CUBN: variants seen among roughly 807,000 people sequenced by gnomAD.
CUBN encodes cubilin.
In CUBN, 282 loss-of-function variants were observed where a neutral mutation model predicts 405.3. The observed-to-expected ratio is 0.70, with a 90% CI of 0.63 to 0.77. CUBN has a LOEUF of 0.77. Among genes scored for constraint, CUBN ranks in the 30% least tolerant of loss-of-function variants. The pLI, the probability that CUBN is intolerant of heterozygous loss-of-function variation, is 0.00. For synonymous variants in CUBN, 1,684 were observed against 1,617.0 expected, an observed-to-expected ratio of 1.04 and a Z score of -0.99; for missense variants, 4,514 against 4,475.2, an observed-to-expected ratio of 1.01 and a Z score of -0.25.
chr10:16,853,628 C>T (rs1588588867), intron 59 of CUBN, among the ~76,000 whole-genome samples: 1 of 152,328 alleles, frequency 6.6e-6, no homozygotes, highest in East Asian at 1.9e-4. Context: ...AGTTGAAATG[C>T]TTCCAAAGGC....
intron 13 of CUBN, among the ~76,000 whole-genome samples, chr10:17,101,234 G>T (rs988673381): frequency 6.6e-6 from 1 of 152,008 alleles, no homozygotes; most frequent in African/African-American, 2.4e-5. Context: ...ACCATATTAT[G>T]TCCATTATGA....
At chr10:17,008,473 G>A (rs1379769569) in intron 28 of CUBN, among the ~76,000 whole-genome samples, 1 of 126,802 alleles carries the variant, frequency 7.9e-6, no homozygotes, top group Non-Finnish European at 1.8e-5. Flanking sequence ...TGCGCGCTTA[G>A]CCACATTATG....
At position 16,954,478 on chromosome 10, in the gene CUBN, G is replaced by A; in HGVS notation, c.4766C>T (p.Pro1589Leu). ...GAGGCTGTTTCCTGAGGAGACGATG[G>A]GGTTAGCCAGCTGCTCCCTTCCACA... is the stretch of plus-strand genomic sequence containing the variant. The part of the protein sequence containing the change: ...RTCGREQLAN[P>L]IVSSGNSLFL... Residue 1589 changes from proline (P) to leucine (L), a missense_variant, in exon 32 of 67, where the codon CCC becomes CTC. Pro to Leu is a moderately conservative substitution (Grantham distance 98). Coordinates refer to ENST00000377833, the MANE Select transcript of CUBN (RefSeq NM_001081.4). 6.2e-7 allele frequency: 1 copy of A among 1,614,044 alleles called. No individual in the cohort carries two copies.
At chr10:16,994,434 C>T (rs1833675730) in intron 28 of CUBN, among the ~76,000 whole-genome samples, 1 of 152,178 alleles carries the variant, frequency 6.6e-6, no homozygotes. Flanking sequence ...CTATCCTTTA[C>T]ATGTTAATCA....
At chr10:17,128,016 T>G (rs925132501) in intron 2 of CUBN, 92 bp from the exon 3 acceptor site, 6 of 889,408 alleles carry the variant, frequency 6.7e-6, no homozygotes, top group African/African-American at 6.7e-5. Flanking sequence ...TGAGTAGTAT[T>G]CTACTTTAAG....
chr10:16,954,444 T>A lies in CUBN; in HGVS notation c.4800A>T (p.Arg1600Ser). 4 of 1,614,132 alleles carry A rather than the reference T, an allele frequency of 2.5e-6. No homozygotes were observed. The highest frequency in any genetic ancestry group is 3.4e-6 in the Non-Finnish European group (4 of 1,180,032). Residue 1600 changes from arginine (R) to serine (S), a missense_variant, in exon 32 of 67, where the codon AGA becomes AGT. Around this residue, in one of 5 missense-constraint regions of CUBN, gnomAD observed 1,613 missense variants for 1,542.8 expected, o/e 1.05. Coordinates refer to ENST00000377833, the MANE Select transcript of CUBN (RefSeq NM_001081.4). ...TCTGTCTGGAAGGGCCAGACTGAAA[T>A]CTCAAGAAGAGGCTGTTTCCTGAGG... ...IVSSGNSLFLRFQSGPSRQNR... is the reference protein window; with the variant it reads ...IVSSGNSLFLSFQSGPSRQNR...
At chr10:17,104,695 G>A (rs1295667207) in intron 11 of CUBN, 90 bp from the exon 12 acceptor site, 1 of 611,482 alleles carries the variant, frequency 1.6e-6, no homozygotes, top group South Asian at 1.7e-5. Flanking sequence ...TAGTGCCATG[G>A]AGATATATAA....
At chr10:17,062,656 C>T (rs1835527295) in intron 22 of CUBN, among the ~76,000 whole-genome samples, 1 of 152,094 alleles carries the variant, frequency 6.6e-6, no homozygotes, top group Admixed American at 6.6e-5. Context: ...CTTTTTTCTC[C>T]CAAACACATA....
intron 6 of CUBN, among the ~76,000 whole-genome samples, chr10:17,116,860 A>C (rs1302360733): frequency 6.6e-6 from 1 of 152,168 alleles, no homozygotes; most frequent in Non-Finnish European, 1.5e-5. Context: ...AGCACCATCC[A>C]TGCATTCAAG....
intron 45 of CUBN, among the ~76,000 whole-genome samples, chr10:16,916,821 T>C (rs1841898055): frequency 1.3e-5 from 2 of 150,550 alleles, no homozygotes; most frequent in South Asian, 4.2e-4. Flanking sequence ...TTTCTTTCTT[T>C]TTTTTTTTTT....
intron 56 of CUBN, among the ~76,000 whole-genome samples, chr10:16,877,417 T>C (rs927931001): frequency 6.6e-6 from 1 of 152,136 alleles, no homozygotes; most frequent in Admixed American, 6.5e-5. Context: ...CAAGAACACC[T>C]GGCACTATCT....
Position 17,090,912 on chromosome 10 carries a change from T to C in CUBN, c.1766-2567A>G, listed in dbSNP as rs890942558. 2.6e-5 allele frequency among the ~76,000 whole-genome samples: 4 copies of C among 151,976 alleles called. No homozygotes were observed. The East Asian group carries it at 7.7e-4, about 29-fold the overall frequency. ...ATGAATATATAGGGTATTTTTTCTT[T>C]AAAAAACAACAAAAAAGTTTTTTCT... On this transcript the variant is annotated intron_variant, in intron 14 of 66. Coordinates refer to ENST00000377833, the MANE Select transcript of CUBN (RefSeq NM_001081.4).
chr10:17,079,233 C>T (rs1217578901), intron 17 of CUBN, among the ~76,000 whole-genome samples: 1 of 91,560 alleles, frequency 1.1e-5, no homozygotes, highest in Non-Finnish European at 2.1e-5. Context: ...AGAATGCAAA[C>T]TCTTTTTTTT....
chr10:16,828,720 C>G, intron 66 of CUBN, 85 bp downstream of exon 66: 3 of 1,096,838 alleles, frequency 2.7e-6, no homozygotes, highest in Non-Finnish European at 4.1e-6. Context: ...GAGATTCCAT[C>G]TTAAAAAAAA....
At chr10:17,007,740 G>A (rs4748342) in intron 28 of CUBN, among the ~76,000 whole-genome samples, 39,297 of 152,134 alleles carry the variant, frequency 0.26, 5,783 homozygotes, top group East Asian at 0.41. Flanking sequence ...CAGGACCAGC[G>A]TTAGCGGGGC....
chr10:16,952,274 A>G lies in CUBN; in HGVS notation c.4969+2T>C. The G allele has an allele frequency of 6.2e-7, 1 of 1,605,850 alleles. No individual in the cohort carries two copies. The highest frequency in any genetic ancestry group is 8.5e-7 in the Non-Finnish European group (1 of 1,172,734). ...CTTTTCTTTTTCATTTTTGTTACTT[A>G]CATGGAGGTTGCGCTTGAATGATCC... On this transcript the variant is annotated splice_donor_variant, in intron 33 of 66. Coordinates refer to ENST00000377833, the MANE Select transcript of CUBN (RefSeq NM_001081.4). LOFTEE classifies it high-confidence loss of function.
intron 59 of CUBN, among the ~76,000 whole-genome samples, chr10:16,866,105 A>G (rs927628385): frequency 1.3e-5 from 2 of 151,524 alleles, no homozygotes; most frequent in Non-Finnish European, 2.9e-5. Flanking sequence ...ATGCCTGCAG[A>G]CCTCCCATCT....
At chr10:16,959,628 C>CAA (rs537012370) in intron 31 of CUBN, among the ~76,000 whole-genome samples, 2 of 114,546 alleles carry the variant, frequency 1.7e-5, no homozygotes, top group Non-Finnish European at 1.8e-5. Flanking sequence ...AACTCCGTCT[C>CAA]AAAAAAAAAA....
In CUBN at chr10:16,925,243, A is replaced by T. The variant is rs140226156; in HGVS notation, c.6644T>A (p.Leu2215Ter). ...GFKIKYEAKS[L>*]ACGGNVYIHD... ...TAATTCTCAGTGAAAATACTTACCTAAACTCTTTGCCTCATATTTGATTTT... is the reference window on the plus strand; with the variant it reads ...TAATTCTCAGTGAAAATACTTACCTTAACTCTTTGCCTCATATTTGATTTT... The change falls in exon 43 of 67, where the codon TTA becomes TAA. Residue 2215 changes from leucine to a stop codon, truncating the protein, a stop_gained and splice_region_variant. Coordinates refer to ENST00000377833, the MANE Select transcript of CUBN (RefSeq NM_001081.4). LOFTEE classifies it high-confidence loss of function. The T allele has an allele frequency of 1.9e-6, 3 of 1,609,578 alleles. No homozygotes were observed. The highest frequency in any genetic ancestry group is 1.3e-5 in the African/African-American group (1 of 74,794).
Sources: gnomAD v4.1 joint callset for allele counts (sites outside exome capture counted in the v4.1 genomes callset) on GRCh38, gnomAD v4.1.1 for gene constraint, gnomAD v4.1.1 regional missense constraint, MANE v1.5 for transcripts, NCBI Gene and HGNC (gene_info 2026-07-23, HGNC 2026-07-21) for gene names.